Variants in NT5DC4 observed in about 807,000 individuals in gnomAD.
NT5DC4 encodes 5'-nucleotidase domain-containing protein 4.
NT5DC4 carries 44 observed loss-of-function variants against 26.6 expected under a neutral mutation model. The ratio of observed to expected loss-of-function variants is 1.65; its 90% CI spans 1.30 to 2.13. NT5DC4 has a LOEUF of 2.13. Among genes scored for constraint, NT5DC4 ranks in the 30% most tolerant of loss-of-function variants. NT5DC4 has a pLI of 0.00. For synonymous variants in NT5DC4, 157 were observed against 86.7 expected, an observed-to-expected ratio of 1.81 and a Z score of -4.51; for missense variants, 399 against 228.1, an observed-to-expected ratio of 1.75 and a Z score of -4.83.
chr2:112,741,639 GTTT>G (rs1679972399), downstream of NT5DC4, among the ~76,000 whole-genome samples: 1 of 152,176 alleles, frequency 6.6e-6, no homozygotes, highest in Admixed American at 6.5e-5. Context: ...ACACTACCAT[GTTT>G]TAACCAAATA....
At chr2:112,719,978 C>CTTTT (rs1245906652), upstream of NT5DC4, among the ~76,000 whole-genome samples, 10 of 81,824 alleles carry the variant, frequency 1.2e-4, no homozygotes, top group Admixed American at 4.4e-4. Context: ...TTCTTTCTTT[C>CTTTT]TTTCTTTCTT....
At chr2:112,738,812 G>C in intron 16 of NT5DC4, 101 bp from the exon 17 acceptor site, 1 of 1,544,562 alleles carries the variant, frequency 6.5e-7, no homozygotes, top group Non-Finnish European at 8.9e-7. Flanking sequence ...TTTAAAAAAA[G>C]CATCAAGAAA....
intron 16 of NT5DC4, among the ~76,000 whole-genome samples, chr2:112,733,263 T>C (rs1440880593): frequency 6.6e-6 from 1 of 151,918 alleles, no homozygotes; most frequent in Non-Finnish European, 1.5e-5. Flanking sequence ...TTTTTTTTTT[T>C]TTTAAACTTA....
At chr2:112,728,717 G>A (rs565745047) in intron 15 of NT5DC4, among the ~76,000 whole-genome samples, 3 of 152,270 alleles carry the variant, frequency 2.0e-5, no homozygotes, top group Admixed American at 6.5e-5. Context: ...CATCGATTAT[G>A]CTTAATGCTC....
intron 15 of NT5DC4, chr2:112,726,963 G>A: frequency 1.7e-6 from 1 of 578,026 alleles, no homozygotes; most frequent in Non-Finnish European, 3.1e-6. Context: ...AGCCTGATTT[G>A]CAGGCTTTGC....
intron 10 of NT5DC4, chr2:112,724,471 C>G: frequency 1.8e-6 from 1 of 569,292 alleles, no homozygotes; most frequent in Non-Finnish European, 3.2e-6. Context: ...ACTGGGCAGG[C>G]AGCAGGGCCC....
chr2:112,728,942 C>T (rs1678110779), intron 15 of NT5DC4, among the ~76,000 whole-genome samples: 1 of 152,168 alleles, frequency 6.6e-6, no homozygotes, highest in Non-Finnish European at 1.5e-5. Context: ...CATCTCTGGA[C>T]TCTTAGATGG....
At chr2:112,737,502 C>T (rs1679376967) in intron 16 of NT5DC4, 1 of 152,116 alleles carries the variant, frequency 6.6e-6, no homozygotes, top group Non-Finnish European at 1.5e-5. Flanking sequence ...CATATCTATA[C>T]CTACTGGCCA....
intron 6 of NT5DC4, 83 bp downstream of exon 6, chr2:112,722,854 G>A (rs987767221): frequency 1.5e-6 from 1 of 673,894 alleles, no homozygotes; most frequent in Non-Finnish European, 2.7e-6. Flanking sequence ...GCCCCCCAAG[G>A]GCTCCCCAAG....
chr2:112,724,151 C>A, intron 10 of NT5DC4, 25 bp downstream of exon 10: 1 of 716,096 alleles, frequency 1.4e-6, no homozygotes, highest in African/African-American at 1.7e-5. Flanking sequence ...GTTGCGTGCA[C>A]GGCTGGGGTG....
At chr2:112,733,393 C>T (rs1196979063) in intron 16 of NT5DC4, among the ~76,000 whole-genome samples, 2 of 126,516 alleles carry the variant, frequency 1.6e-5, no homozygotes, top group African/African-American at 3.0e-5. Flanking sequence ...TTTAGCTGGG[C>T]ATGTGGCCAT....
At chr2:112,737,989 A>C (rs1679449507) in intron 16 of NT5DC4, 1 of 152,172 alleles carries the variant, frequency 6.6e-6, no homozygotes. Flanking sequence ...CTAAGGTAAA[A>C]CCTTTCCACA....
At chr2:112,742,336 C>G, downstream of NT5DC4, 2 of 713,806 alleles carry the variant, frequency 2.8e-6, no homozygotes, top group South Asian at 3.0e-5. Context: ...AAGCGTAACA[C>G]AAATTTAGAT....
intron 16 of NT5DC4, among the ~76,000 whole-genome samples, chr2:112,735,474 T>C (rs1679027691): frequency 6.9e-6 from 1 of 144,406 alleles, no homozygotes; most frequent in African/African-American, 2.5e-5. Flanking sequence ...AGATGCTATA[T>C]ATAATCCTCC....
chr2:112,730,310 CAA>C (rs11375761), intron 16 of NT5DC4, among the ~76,000 whole-genome samples: 3 of 76,192 alleles, frequency 3.9e-5, no homozygotes, highest in South Asian at 6.3e-4. Context: ...AAGACTGTCT[CAA>C]AAAAAAAAAA....
upstream of NT5DC4, among the ~76,000 whole-genome samples, chr2:112,719,912 C>CTTTCTT (rs1676688303): frequency 2.1e-5 from 2 of 95,622 alleles, no homozygotes; most frequent in Admixed American, 1.3e-4. Flanking sequence ...CTTTTTCTTT[C>CTTTCTT]TTTCTTTCTT....
At chr2:112,740,989 A>G (rs3811040), downstream of NT5DC4, 793,186 of 1,609,252 alleles carry the variant, frequency 0.49, 203,611 homozygotes, top group East Asian at 0.72. Context: ...TTCAGCAACT[A>G]AAGAGTCAGA....
intron 16 of NT5DC4, among the ~76,000 whole-genome samples, chr2:112,731,917 C>CTTTTT (rs749249208): frequency 1.0e-4 from 11 of 108,618 alleles, no homozygotes; most frequent in African/African-American, 2.2e-4. Context: ...AGAGAGTTTA[C>CTTTTT]TTTTTTTTTT....
At chr2:112,719,866 C>CCCTCCCTCCCTCCCTCCTTT (rs1380799494), upstream of NT5DC4, among the ~76,000 whole-genome samples, 3 of 129,294 alleles carry the variant, frequency 2.3e-5, 1 homozygote, top group Non-Finnish European at 4.9e-5. Context: ...CTCCCTCCCT[C>CCCTCCCTCCCTCCCTCCTTT]CTTTCTTTCT....
Sources: gnomAD v4.1 joint callset for allele counts (sites outside exome capture counted in the v4.1 genomes callset) on GRCh38, gnomAD v4.1.1 for gene constraint, MANE v1.5 for transcripts, NCBI Gene and HGNC (gene_info 2026-07-23, HGNC 2026-07-21) for gene names.